The following AUTS2 variants were observed in gnomAD, a reference collection of about 807,000 sequenced individuals.
AUTS2 encodes activator of transcription and developmental regulator AUTS2.
In AUTS2, 17 loss-of-function variants were observed where a neutral mutation model predicts 112.4. The ratio of observed to expected loss-of-function variants is 0.15; its 90% CI spans 0.10 to 0.23. The LOEUF (loss-of-function observed/expected upper bound fraction) is 0.23, where lower values mean the gene tolerates loss of function less well. Ranked by LOEUF, AUTS2 falls within the 10% of genes least tolerant of loss-of-function variation. AUTS2 has a pLI of 1.00. For missense variants in AUTS2, 1,510 were observed against 1,701.6 expected, an observed-to-expected ratio of 0.89 and a Z score of 1.98; for synonymous variants, 751 against 702.7, an observed-to-expected ratio of 1.07 and a Z score of -1.09.
At chr7:69,843,454 A>T (rs1792066006) in intron 1 of AUTS2, among the ~76,000 whole-genome samples, 1 of 151,996 alleles carries the variant, frequency 6.6e-6, no homozygotes, top group South Asian at 2.1e-4. Flanking sequence ...AAGATTATAA[A>T]CTCCATGAGG....
intron 4 of AUTS2, among the ~76,000 whole-genome samples, chr7:70,419,430 TG>T (rs1233476133): frequency 3.2e-5 from 1 of 31,300 alleles, no homozygotes; most frequent in African/African-American, 1.3e-4. Flanking sequence ...ACCTACACAC[TG>T]GGGGCTGGGG....
chr7:70,641,503 G>A (rs946321134), intron 5 of AUTS2, among the ~76,000 whole-genome samples: 1 of 152,146 alleles, frequency 6.6e-6, no homozygotes, highest in Non-Finnish European at 1.5e-5. Context: ...AGTGAGCGGA[G>A]ATCGCACCAC....
intron 2 of AUTS2, among the ~76,000 whole-genome samples, chr7:70,013,088 T>C (rs1434845134): frequency 6.6e-6 from 1 of 152,218 alleles, no homozygotes. Flanking sequence ...CTGTAAAGTT[T>C]GGTGCAGCAA....
At chr7:70,166,400 A>T (rs886309965) in intron 4 of AUTS2, among the ~76,000 whole-genome samples, 1 of 152,202 alleles carries the variant, frequency 6.6e-6, no homozygotes, top group African/African-American at 2.4e-5. Flanking sequence ...ATTCTATATT[A>T]TGGGGTTTAT....
intron 2 of AUTS2, among the ~76,000 whole-genome samples, chr7:69,940,932 A>G (rs1300224042): frequency 6.6e-6 from 1 of 152,224 alleles, no homozygotes; most frequent in Non-Finnish European, 1.5e-5. Flanking sequence ...CCAGACTGGA[A>G]CATGAACAAA....
At chr7:69,707,869 G>T (rs1739514757) in intron 1 of AUTS2, among the ~76,000 whole-genome samples, 1 of 152,222 alleles carries the variant, frequency 6.6e-6, no homozygotes, top group African/African-American at 2.4e-5. Context: ...GTAGGTCTTA[G>T]AGAAAGCCCT....
chr7:69,668,366 G>A (rs901388730), intron 1 of AUTS2, among the ~76,000 whole-genome samples: 1 of 152,150 alleles, frequency 6.6e-6, no homozygotes, highest in Non-Finnish European at 1.5e-5. Flanking sequence ...TATTTTCTGA[G>A]AATGCCAGGT....
At position 69,709,005 on chromosome 7, in the gene AUTS2, C is replaced by G. The variant is rs535069544; in HGVS notation, c.309+109043C>G. The stretch of plus-strand genomic sequence containing the variant: ...ACATCCCTGATGACTCAGCTGATGC[C>G]CTTGCTGCCTGATTGGGTGCTTGTG... On this transcript the variant is annotated intron_variant, in intron 1 of 18. Coordinates refer to ENST00000342771, the MANE Select transcript of AUTS2 (RefSeq NM_015570.4). 1.4e-4 allele frequency among the ~76,000 whole-genome samples: 22 copies of G among 152,268 alleles called. No homozygotes were observed. In the South Asian group the frequency reaches 4.4e-3, roughly 30 times the overall value.
chr7:69,621,241 G>A (rs1287896274), intron 1 of AUTS2, among the ~76,000 whole-genome samples: 3 of 152,178 alleles, frequency 2.0e-5, no homozygotes, highest in Non-Finnish European at 4.4e-5. Context: ...GAGTGTGTCA[G>A]TGGTGGAGCC....
chr7:70,132,164 T>TAAAAAAA (rs200482728), intron 3 of AUTS2, among the ~76,000 whole-genome samples: 4 of 102,594 alleles, frequency 3.9e-5, no homozygotes, highest in Admixed American at 1.1e-4. Flanking sequence ...TCTTTTCCCT[T>TAAAAAAA]AAAAAAAAAA....
intron 1 of AUTS2, among the ~76,000 whole-genome samples, chr7:69,611,562 T>C (rs566746063): frequency 6.6e-6 from 1 of 152,238 alleles, no homozygotes; most frequent in African/African-American, 2.4e-5. Context: ...AAAAGTAGTT[T>C]TACATATATC....
chr7:70,676,967 T>C (rs1189858003), intron 5 of AUTS2, among the ~76,000 whole-genome samples: 1 of 152,214 alleles, frequency 6.6e-6, no homozygotes, highest in Non-Finnish European at 1.5e-5. Context: ...TCTATGTTCT[T>C]ACAACTTTGT....
intron 1 of AUTS2, among the ~76,000 whole-genome samples, chr7:69,789,215 C>T (rs1352358234): frequency 6.6e-6 from 1 of 152,128 alleles, no homozygotes; most frequent in Non-Finnish European, 1.5e-5. Flanking sequence ...AATTTCCATT[C>T]AGCAATGGCT....
chr7:69,631,531 G>C (rs1437015179), intron 1 of AUTS2, among the ~76,000 whole-genome samples: 1 of 152,102 alleles, frequency 6.6e-6, no homozygotes, highest in Non-Finnish European at 1.5e-5. Context: ...CGTGATGGAG[G>C]AACTTCTTAA....
chr7:70,181,732 G>GC (rs1420026547), intron 4 of AUTS2, among the ~76,000 whole-genome samples: 24 of 150,104 alleles, frequency 1.6e-4, no homozygotes, highest in Admixed American at 1.4e-3. Flanking sequence ...CAGGTGATCC[G>GC]CCCCCCTCGG....
intron 3 of AUTS2, chr7:70,118,944 C>T (rs960104284): frequency 2.6e-5 from 4 of 152,146 alleles, no homozygotes; most frequent in African/African-American, 9.7e-5. Context: ...CCACCTACCC[C>T]TCTTTGGACT....
intron 13 of AUTS2, 65 bp downstream of exon 13, chr7:70,775,451 A>G: frequency 7.8e-7 from 1 of 1,275,800 alleles, no homozygotes. Flanking sequence ...TTAAAAATAC[A>G]AGTCTATTAC....
At chr7:69,677,373 T>G (rs1406535024) in intron 1 of AUTS2, among the ~76,000 whole-genome samples, 1 of 152,188 alleles carries the variant, frequency 6.6e-6, no homozygotes, top group Non-Finnish European at 1.5e-5. Flanking sequence ...GAATATCTTT[T>G]ATTGTGTTCT....
At chr7:69,735,029 C>T (rs1786965676) in intron 1 of AUTS2, among the ~76,000 whole-genome samples, 1 of 152,192 alleles carries the variant, frequency 6.6e-6, no homozygotes. Context: ...ATTTGATATT[C>T]AGACAACTCT....
Sources: allele counts gnomAD v4.1 joint callset (sites outside exome capture counted in the v4.1 genomes callset), GRCh38; gene constraint gnomAD v4.1.1; transcripts MANE v1.5; gene names NCBI Gene and HGNC (gene_info 2026-07-23, HGNC 2026-07-21).